Variants in MOB3A observed in about 807,000 individuals in gnomAD.
MOB3A encodes the protein MOB kinase activator 3A, also known as MOB LAK.
A neutral mutation model predicts 17.8 loss-of-function variants in MOB3A; 17 were observed. The ratio of observed to expected loss-of-function variants is 0.95; its 90% CI spans 0.65 to 1.43. MOB3A has a LOEUF of 1.43. MOB3A is among the 40% of genes most tolerant of loss of function. The pLI is 0.00. For synonymous variants in MOB3A, 124 were observed against 133.2 expected, an observed-to-expected ratio of 0.93 and a Z score of 0.48; for missense variants, 333 against 310.8, an observed-to-expected ratio of 1.07 and a Z score of -0.54.
intron 2 of MOB3A, among the ~76,000 whole-genome samples, chr19:2,079,240 G>C (rs1356559106): frequency 6.6e-6 from 1 of 152,254 alleles, no homozygotes; most frequent in African/African-American, 2.4e-5. Context: ...GCCTGGCCCG[G>C]ACCTAGACTT....
In MOB3A at chr19:2,082,428, C is replaced by T. The variant is rs1412888169; in HGVS notation, c.-120+2747G>A. Among the ~76,000 whole-genome samples, 1 of 152,174 alleles carries T rather than the reference C, an allele frequency of 6.6e-6. No homozygotes were observed. Among genetic ancestry groups the T allele is most frequent in the Non-Finnish European group, 1.5e-5 (1 of 68,036 alleles). On this transcript the variant is annotated intron_variant, in intron 2 of 4. Transcript: ENST00000357066. The surrounding 1 kb of genome is among the most constrained non-coding windows in gnomAD (Gnocchi z 4.1). ...GTCCCTTTGGGTTAAGATTAGATCGCCCTGGGTGAGATCGTGGCTCAGATG... is the reference window on the plus strand; with the variant it reads ...GTCCCTTTGGGTTAAGATTAGATCGTCCTGGGTGAGATCGTGGCTCAGATG...
rs775980541 is a variant in MOB3A at position 2,076,898 on chromosome 19, G to A, written c.537C>T (p.Ser179=). The part of the protein sequence containing the change: ...HHFDRIAQMG[S]EAHVNTCYKH... ...TGTAGCAGGTGTTCACGTGGGCCTC[G>A]GAGCCCATCTGCGCGATGCGGTCAA... is the stretch of plus-strand genomic sequence containing the variant. Residue 179 remains serine (S), a synonymous_variant, in exon 4 of 5, where the codon TCC becomes TCT. Coordinates refer to ENST00000357066, the MANE Select transcript of MOB3A (RefSeq NM_130807.3). 1 of 1,614,078 alleles carries A rather than the reference G, an allele frequency of 6.2e-7. No individual in the cohort carries two copies.
At chr19:2,077,157 T>C (rs1037125953) in intron 3 of MOB3A, 144 bp from the exon 4 acceptor site, 2 of 683,256 alleles carry the variant, frequency 2.9e-6, no homozygotes, top group South Asian at 1.7e-5. Context: ...TCCCAGCACT[T>C]TGGGAGGCCG....
At chr19:2,095,502 C>T (rs2017672692) in intron 1 of MOB3A, among the ~76,000 whole-genome samples, 1 of 152,226 alleles carries the variant, frequency 6.6e-6, no homozygotes, top group East Asian at 1.9e-4. Flanking sequence ...CTTGGGGATC[C>T]TGAAGCCCTG....
Position 2,076,874 on chromosome 19 carries a change from G to C in MOB3A, c.561C>G (p.Tyr187Ter). The change falls in exon 4 of 5, where the codon TAC (tyrosine) becomes TAG (stop). Residue 187 changes from tyrosine to a stop codon, truncating the protein, a stop_gained. Coordinates refer to ENST00000357066, the MANE Select transcript of MOB3A (RefSeq NM_130807.3). LOFTEE classifies it high-confidence loss of function. The part of the protein sequence containing the change: ...MGSEAHVNTC[Y>*]KHFYYFVKEF... ...CCTTGACGAAATAGTAGAAGTGCTT[G>C]TAGCAGGTGTTCACGTGGGCCTCGG... is the stretch of plus-strand genomic sequence containing the variant. The C allele has an allele frequency of 1.2e-6, 2 of 1,614,098 alleles. No individual in the cohort carries two copies. The highest frequency in any genetic ancestry group is 1.7e-6 in the Non-Finnish European group (2 of 1,180,038).
chr19:2,088,772 T>C (rs1402630104), intron 1 of MOB3A, among the ~76,000 whole-genome samples: 1 of 152,020 alleles, frequency 6.6e-6, no homozygotes, highest in Non-Finnish European at 1.5e-5. Flanking sequence ...CCGGCAATTT[T>C]TGTATTTTTT....
intron 1 of MOB3A, among the ~76,000 whole-genome samples, chr19:2,092,733 G>C (rs2017627357): frequency 6.9e-6 from 1 of 145,966 alleles, no homozygotes; most frequent in Non-Finnish European, 1.5e-5. Flanking sequence ...ACTCCAGCCT[G>C]GGCAAGAGAA....
At chr19:2,081,058 G>T (rs940071366) in intron 2 of MOB3A, among the ~76,000 whole-genome samples, 1 of 151,988 alleles carries the variant, frequency 6.6e-6, no homozygotes, top group African/African-American at 2.4e-5. Flanking sequence ...TTTGAGCCCG[G>T]GAGTTCGAGG....
chr19:2,080,292 C>T (rs952617664), intron 2 of MOB3A, among the ~76,000 whole-genome samples: 1 of 152,076 alleles, frequency 6.6e-6, no homozygotes, highest in African/African-American at 2.4e-5. Flanking sequence ...GGGAGTGAGG[C>T]CCACACATGC....
chr19:2,088,799 T>G (rs1240180771), intron 1 of MOB3A, among the ~76,000 whole-genome samples: 6 of 152,062 alleles, frequency 3.9e-5, no homozygotes, highest in Admixed American at 6.5e-5. Context: ...ACGGGGGTCT[T>G]GCTATGTTGT....
intron 2 of MOB3A, among the ~76,000 whole-genome samples, chr19:2,080,408 C>T (rs548144438): frequency 1.3e-4 from 19 of 151,786 alleles, no homozygotes; most frequent in Non-Finnish European, 1.9e-4. Flanking sequence ...GGCAGAGTCT[C>T]GCTCTGTCAC....
At chr19:2,076,586 A>C (rs571642525) in intron 4 of MOB3A, among the ~76,000 whole-genome samples, 1 of 152,298 alleles carries the variant, frequency 6.6e-6, no homozygotes, top group African/African-American at 2.4e-5. Flanking sequence ...GGCGCGGAGG[A>C]AACTGCACCT....
intron 1 of MOB3A, among the ~76,000 whole-genome samples, chr19:2,095,689 C>T (rs924382327): frequency 6.6e-6 from 1 of 152,138 alleles, no homozygotes; most frequent in African/African-American, 2.4e-5. Flanking sequence ...CCTAAGTTCA[C>T]CCCTCCTGAA....
intron 4 of MOB3A, among the ~76,000 whole-genome samples, chr19:2,074,457 T>C (rs2017378808): frequency 6.6e-6 from 1 of 151,952 alleles, no homozygotes; most frequent in Non-Finnish European, 1.5e-5. Context: ...AGCCACTGAG[T>C]ATGCAACTAT....
chr19:2,096,515 T>A (rs1018966482), upstream of MOB3A: 9 of 174,278 alleles, frequency 5.2e-5, no homozygotes, highest in Admixed American at 1.3e-4. Flanking sequence ...TGGGATGCCC[T>A]GAGCCGGGCC....
In MOB3A at chr19:2,080,675, T is replaced by C. The variant is rs536471934; in HGVS notation, c.-119-1996A>G. On this transcript the variant is annotated intron_variant, in intron 2 of 4. Transcript: ENST00000357066. ...GCAAGCGAGCACCACCGCGCCCGGCTGTGTTGCTGTTGCTTGTGACGAAGT... is the reference window on the plus strand; with the variant it reads ...GCAAGCGAGCACCACCGCGCCCGGCCGTGTTGCTGTTGCTTGTGACGAAGT... Among the ~76,000 whole-genome samples the C allele has an allele frequency of 2.2e-4, 34 of 152,170 alleles. No individual in the cohort carries two copies. The South Asian group carries it at 6.4e-3, about 29-fold the overall frequency.
intron 4 of MOB3A, among the ~76,000 whole-genome samples, chr19:2,076,123 CAAAAAA>C (rs771808104): frequency 8.7e-5 from 3 of 34,382 alleles, no homozygotes; most frequent in Non-Finnish European, 1.5e-4. Context: ...ACTCCATCTC[CAAAAAA>C]AAAAAAAAAA....
intron 2 of MOB3A, chr19:2,084,288 T>A (rs2017525962): frequency 5.1e-6 from 2 of 395,646 alleles, no homozygotes; most frequent in Middle Eastern, 7.3e-4. Context: ...AGGTCAGGAG[T>A]TCGAGACCAG....
intron 4 of MOB3A, among the ~76,000 whole-genome samples, chr19:2,076,599 C>T (rs2017412289): frequency 6.6e-6 from 1 of 152,184 alleles, no homozygotes; most frequent in Admixed American, 6.5e-5. Flanking sequence ...CTGCACCTGT[C>T]GCCGGCATTT....
Sources: gnomAD v4.1 joint callset for allele counts (sites outside exome capture counted in the v4.1 genomes callset) on GRCh38, gnomAD v4.1.1 for gene constraint, Gnocchi (gnomAD v3.1) non-coding constraint, MANE v1.5 for transcripts, NCBI Gene and HGNC (gene_info 2026-07-23, HGNC 2026-07-21) for gene names.